Variants in MYL11 observed in about 807,000 individuals in gnomAD.
The protein encoded by MYL11 is myosin light chain 11.
chr16:30,374,970 T>C, the MYL11 span: 2 of 1,374,124 alleles, frequency 1.5e-6, no homozygotes, highest in Non-Finnish European at 2.0e-6. Flanking sequence ...AAAAGGATGC[T>C]CATCTCTTTC....
the MYL11 span, among the ~76,000 whole-genome samples, chr16:30,375,477 AAAAAG>A: frequency 1.3e-5 from 2 of 151,648 alleles, no homozygotes; most frequent in Non-Finnish European, 2.9e-5. Flanking sequence ...AAAAAAAAAA[AAAAAG>A]AAAAGAAAAG....
the MYL11 span, chr16:30,377,563 G>C: frequency 1.5e-6 from 2 of 1,328,862 alleles, no homozygotes; most frequent in African/African-American, 2.9e-5. Flanking sequence ...GTTTTCAGGG[G>C]AGGCTGGGGC....
chr16:30,375,671 T>A, the MYL11 span: 1 of 645,398 alleles, frequency 1.5e-6, no homozygotes, highest in South Asian at 2.0e-5. Flanking sequence ...GCAAGCCCCC[T>A]CAGCAAAGAG....
At chr16:30,371,111 G>A in the MYL11 span, 1 of 152,262 alleles carries the variant, frequency 6.6e-6, no homozygotes, top group Admixed American at 6.5e-5. Flanking sequence ...CAGGAAAATA[G>A]ATAGCTGTCT....
At chr16:30,376,591 C>A in the MYL11 span, 1 of 1,614,020 alleles carries the variant, frequency 6.2e-7, no homozygotes, top group Non-Finnish European at 8.5e-7. Context: ...AGGGACCCAT[C>A]AGCTTCATGT....
At chr16:30,376,687 C>T in the MYL11 span, 9 of 1,613,910 alleles carry the variant, frequency 5.6e-6, 1 homozygote, top group South Asian at 8.8e-5. Flanking sequence ...AGGGCACCAT[C>T]AAGAAGAAGT....
chr16:30,375,326 G>A, the MYL11 span, among the ~76,000 whole-genome samples: 4 of 152,098 alleles, frequency 2.6e-5, no homozygotes, highest in Non-Finnish European at 5.9e-5. Context: ...TTAACTGGGC[G>A]TGGTGGTGCA....
At chr16:30,376,190 G>A in the MYL11 span, 1 of 1,614,084 alleles carries the variant, frequency 6.2e-7, no homozygotes, top group South Asian at 1.1e-5. Flanking sequence ...TATAGACAAG[G>A]AGGACCTTCG....
chr16:30,376,983 C>A, the MYL11 span, among the ~76,000 whole-genome samples: 1 of 152,116 alleles, frequency 6.6e-6, no homozygotes, highest in Non-Finnish European at 1.5e-5. Flanking sequence ...GAGGCCAAGG[C>A]GGGCGGATCA....
chr16:30,375,389 C>T, the MYL11 span, among the ~76,000 whole-genome samples: 10 of 150,226 alleles, frequency 6.7e-5, no homozygotes, highest in African/African-American at 1.5e-4. Context: ...CGCTTGAACC[C>T]GGGAGGCAGA....
chr16:30,376,553 G>A, the MYL11 span: 1 of 1,613,728 alleles, frequency 6.2e-7, no homozygotes, highest in Non-Finnish European at 8.5e-7. Context: ...TGGGTCCAAG[G>A]CCCCGGCTGC....
the MYL11 span, among the ~76,000 whole-genome samples, chr16:30,371,902 C>T: frequency 6.6e-6 from 1 of 152,146 alleles, no homozygotes; most frequent in South Asian, 2.1e-4. Flanking sequence ...TAAACGCCCT[C>T]TTCTTTCTCT....
the MYL11 span, among the ~76,000 whole-genome samples, chr16:30,371,416 C>T: frequency 3.9e-5 from 6 of 152,138 alleles, no homozygotes; most frequent in Non-Finnish European, 8.8e-5. Flanking sequence ...TCATCCTTTA[C>T]TCTATAATTC....
the MYL11 span, chr16:30,375,668 C>T: frequency 1.6e-6 from 1 of 635,872 alleles, no homozygotes; most frequent in East Asian, 2.8e-5. Context: ...AAAGCAAGCC[C>T]CCTCAGCAAA....
the MYL11 span, chr16:30,376,237 C>G: frequency 1.2e-6 from 2 of 1,612,414 alleles, no homozygotes; most frequent in East Asian, 2.2e-5. Flanking sequence ...CCCCTACCCC[C>G]AGGTGGGAAT....
chr16:30,374,643 C>G, the MYL11 span: 4 of 555,016 alleles, frequency 7.2e-6, no homozygotes, highest in Non-Finnish European at 1.3e-5. Context: ...CCTTCCTCCC[C>G]GCTGGGCTCC....
the MYL11 span, chr16:30,377,926 G>C: frequency 1.3e-6 from 2 of 1,587,034 alleles, no homozygotes; most frequent in Middle Eastern, 1.7e-4. Context: ...TCCGCTGCCC[G>C]ACGCTTCTGT....
the MYL11 span, chr16:30,375,929 G>A: frequency 1.9e-6 from 3 of 1,612,368 alleles, no homozygotes. Context: ...GAGGGGACGG[G>A]GAAACTGGAA....
the MYL11 span, among the ~76,000 whole-genome samples, chr16:30,377,082 G>A: frequency 1.3e-5 from 2 of 152,134 alleles, no homozygotes; most frequent in South Asian, 2.1e-4. Flanking sequence ...GCGTGGTGGC[G>A]GGCGCCTGTA....
Sources: gnomAD v4.1 joint callset for allele counts (sites outside exome capture counted in the v4.1 genomes callset) on GRCh38, gnomAD v4.1.1 for gene constraint, MANE v1.5 for transcripts, NCBI Gene and HGNC (gene_info 2026-07-23, HGNC 2026-07-21) for gene names.